The following ST3GAL1 variants were observed in gnomAD, a reference collection of about 807,000 sequenced individuals.
ST3GAL1 encodes CMP-N-acetylneuraminate-beta-galactosamide-alpha-2,3-sialyltransferase 1.
ST3GAL1 carries 16 observed loss-of-function variants against 34.1 expected under a neutral mutation model. The ratio of observed to expected loss-of-function variants is 0.47; its 90% CI spans 0.32 to 0.71. The LOEUF is 0.71. ST3GAL1 is among the 30% of genes least tolerant of loss of function. ST3GAL1 has a pLI of 0.04. For synonymous variants in ST3GAL1, 191 were observed against 184.7 expected (o/e 1.03, Z -0.28); for missense variants, 353 against 447.4 (o/e 0.79, Z 1.90).
chr8:133,496,216 G>A (rs1425323089), intron 3 of ST3GAL1, among the ~76,000 whole-genome samples: 2 of 152,180 alleles, frequency 1.3e-5, no homozygotes, highest in Admixed American at 6.5e-5. Flanking sequence ...TATTTTTCCA[G>A]CTGAGTAAGA....
chr8:133,523,475 T>C (rs1477801175), intron 2 of ST3GAL1, among the ~76,000 whole-genome samples: 1 of 152,132 alleles, frequency 6.6e-6, no homozygotes, highest in Non-Finnish European at 1.5e-5. Flanking sequence ...TCCTCCTCTG[T>C]AAAGTGAAGA....
rs749556797 is a variant in ST3GAL1 at position 133,475,863 on chromosome 8, G to A, written c.162C>T (p.Ile54=). Residue 54 remains isoleucine, a synonymous_variant, in exon 5 of 10, where the codon ATC becomes ATT. Coordinates refer to ENST00000522652, the MANE Select transcript of ST3GAL1 (RefSeq NM_173344.3). ...LELSENLKRL[I]KHRPCTCTHC... ...GGGTGCAGGTGCAAGGCCTGTGCTT[G>A]ATCAGTCTCTTCAGGTTCTCGGAGA... The A allele has an allele frequency of 1.2e-6, 2 of 1,614,162 alleles. No homozygotes were observed. Among genetic ancestry groups the A allele is most frequent in the Admixed American group, 1.7e-5 (1 of 60,026 alleles).
chr8:133,538,347 T>A (rs139743324), intron 2 of ST3GAL1, among the ~76,000 whole-genome samples: 17 of 152,252 alleles, frequency 1.1e-4, no homozygotes, highest in African/African-American at 4.1e-4. Context: ...AAACCCCATC[T>A]CTACTACAAA....
chr8:133,539,064 G>A (rs1445158913), intron 2 of ST3GAL1, among the ~76,000 whole-genome samples: 1 of 152,172 alleles, frequency 6.6e-6, no homozygotes, highest in African/African-American at 2.4e-5. Context: ...CCAGCCCTGC[G>A]AGAGTGCTCA....
At chr8:133,541,114 T>TAGAGAGAGAGAGAGAGAGAG (rs1299790632) in intron 2 of ST3GAL1, among the ~76,000 whole-genome samples, 36 of 44,060 alleles carry the variant, frequency 8.2e-4, no homozygotes, top group Non-Finnish European at 1.4e-3. Flanking sequence ...TATATATATA[T>TAGAGAGAGAGAGAGAGAGAG]ATATATAGAG....
chr8:133,521,532 C>T (rs1405511739), intron 2 of ST3GAL1, among the ~76,000 whole-genome samples: 4 of 152,166 alleles, frequency 2.6e-5, no homozygotes, highest in South Asian at 2.1e-4. Context: ...CTCCTGACCT[C>T]GTGATCCACC....
chr8:133,460,041 C>T, intron 9 of ST3GAL1, 104 bp from the exon 10 acceptor site: 1 of 1,274,750 alleles, frequency 7.8e-7, no homozygotes, highest in South Asian at 1.6e-5. Flanking sequence ...GGACCATAAA[C>T]AGCATTTCCA....
chr8:133,546,661 G>A lies in ST3GAL1; in HGVS notation c.-581-735C>T, dbSNP rs60800537. Among the ~76,000 whole-genome samples the A allele has an allele frequency of 8.3e-3, 1,267 of 152,182 alleles. 23 individuals are homozygous for A. Among genetic ancestry groups the A allele is most frequent in the African/African-American group, 0.028 (1,176 of 41,510 alleles). On this transcript the variant is annotated intron_variant, in intron 1 of 9. Transcript: ENST00000522652. The stretch of plus-strand genomic sequence containing the variant: ...TATGAATGTGAAAGTGTGACATCGG[G>A]GTTAGGATAAATCAGGCTGAGGCCA...
chr8:133,526,973 C>T (rs1296213713), intron 2 of ST3GAL1, among the ~76,000 whole-genome samples: 1 of 152,156 alleles, frequency 6.6e-6, no homozygotes, highest in Non-Finnish European at 1.5e-5. Context: ...CCTTGTACCC[C>T]TAGTCACTAG....
chr8:133,466,241 C>T lies in ST3GAL1; in HGVS notation c.307-151G>A. 1 of 682,232 alleles carries T rather than the reference C, an allele frequency of 1.5e-6. No individual in the cohort carries two copies. Among genetic ancestry groups the T allele is most frequent in the Middle Eastern group, 4.1e-4 (1 of 2,454 alleles). The allele number at this position is 682,232 out of a possible 1,614,324, so 42.3% of individuals were successfully genotyped here. Reference sequence around the variant, plus strand: ...CCCGGAGATGGAGGCGGCTCACACACAGACACCTCCACTTCCTCCTTCAAG... The same window carrying T: ...CCCGGAGATGGAGGCGGCTCACACATAGACACCTCCACTTCCTCCTTCAAG... On this transcript the variant is annotated intron_variant, in intron 5 of 9. Transcript: ENST00000522652. The surrounding 1 kb of genome is among the most constrained non-coding windows in gnomAD (Gnocchi z 4.4).
rs1193821860 is a variant in ST3GAL1 at position 133,466,791 on chromosome 8, G to A, written c.307-701C>T. On this transcript the variant is annotated intron_variant, in intron 5 of 9. Transcript: ENST00000522652. The surrounding 1 kb of genome is among the most constrained non-coding windows in gnomAD (Gnocchi z 4.4). ...GCTTCTGCGATCTGCCTAGCAAATTGTTTTCATCTTTTAAGACCTAGCCTG... is the reference window on the plus strand; with the variant it reads ...GCTTCTGCGATCTGCCTAGCAAATTATTTTCATCTTTTAAGACCTAGCCTG... Among the ~76,000 whole-genome samples the A allele has an allele frequency of 6.6e-6, 1 of 152,196 alleles. No individual in the cohort carries two copies. The highest frequency in any genetic ancestry group is 2.4e-5 in the African/African-American group (1 of 41,454).
intron 2 of ST3GAL1, among the ~76,000 whole-genome samples, chr8:133,528,281 G>A (rs557542585): frequency 6.6e-6 from 1 of 152,096 alleles, no homozygotes; most frequent in Non-Finnish European, 1.5e-5. Flanking sequence ...CCAGCATTTT[G>A]TGCCTGCAGG....
intron 2 of ST3GAL1, among the ~76,000 whole-genome samples, chr8:133,541,108 TATATATATATATAGAGAG>T (rs1818508363): frequency 2.2e-5 from 1 of 45,732 alleles, no homozygotes; most frequent in African/African-American, 1.2e-4. Flanking sequence ...TATATATATA[TATATATATATATAGAGAG>T]AGAGAGAGAG....
chr8:133,536,734 C>T (rs1818322611), intron 2 of ST3GAL1, among the ~76,000 whole-genome samples: 1 of 152,204 alleles, frequency 6.6e-6, no homozygotes, highest in South Asian at 2.1e-4. Context: ...ATGGGCCAGA[C>T]ACCGTACCCA....
chr8:133,474,857 G>T (rs767685268), intron 5 of ST3GAL1, among the ~76,000 whole-genome samples: 2 of 152,170 alleles, frequency 1.3e-5, no homozygotes, highest in Admixed American at 6.5e-5. Context: ...TGTCTTCAAA[G>T]CACTTCTGTG....
chr8:133,540,820 TATAGACATATATATAG>T (rs1203725265), intron 2 of ST3GAL1, among the ~76,000 whole-genome samples: 49 of 106,082 alleles, frequency 4.6e-4, no homozygotes, highest in South Asian at 8.6e-4. Flanking sequence ...GACATATATA[TATAGACATATATATAG>T]AGAGACATAT....
chr8:133,459,781 TC>T lies in ST3GAL1; in HGVS notation c.1005del (p.Ile336SerfsTer11). On this transcript the variant is annotated frameshift_variant, in exon 10 of 10. Coordinates refer to ENST00000522652, the MANE Select transcript of ST3GAL1 (RefSeq NM_173344.3). LOFTEE classifies it high-confidence loss of function. This position sits in a 1 kb window ranked among gnomAD's most constrained non-coding sequence, Gnocchi z 4.7. ...TCACTGCGTCATCTCCCCTTGAAGATCCGGATTTTATTGATGGAGGCCAAGG... is the reference window on the plus strand; with the variant it reads ...TCACTGCGTCATCTCCCCTTGAAGATCGGATTTTATTGATGGAGGCCAAGG... The part of the protein sequence containing the change: ...TATLASINKI[R>X]IFKGR The T allele has an allele frequency of 6.2e-7, 1 of 1,612,412 alleles. No homozygotes were observed. The highest frequency in any genetic ancestry group is 8.5e-7 in the Non-Finnish European group (1 of 1,179,074).
At chr8:133,562,921 G>A (rs548429631) in intron 1 of ST3GAL1, among the ~76,000 whole-genome samples, 1 of 89,190 alleles carries the variant, frequency 1.1e-5, no homozygotes, top group East Asian at 3.8e-4. Flanking sequence ...ATAGATTTTT[G>A]TTTTTTTATG....
intron 2 of ST3GAL1, among the ~76,000 whole-genome samples, chr8:133,526,419 T>C (rs1028524598): frequency 7.2e-5 from 11 of 152,040 alleles, no homozygotes; most frequent in African/African-American, 2.4e-4. Flanking sequence ...ACAAAATCCA[T>C]GTAGAGGCCT....
Sources: gnomAD v4.1 joint callset for allele counts (sites outside exome capture counted in the v4.1 genomes callset) on GRCh38, gnomAD v4.1.1 for gene constraint, Gnocchi (gnomAD v3.1) non-coding constraint, MANE v1.5 for transcripts, NCBI Gene and HGNC (gene_info 2026-07-23, HGNC 2026-07-21) for gene names.